Variants in MAN1A1 observed in about 807,000 individuals in gnomAD.
MAN1A1 encodes the protein mannosidase alpha class 1A member 1, also known as mannosyl-oligosaccharide 1,2-alpha-mannosidase IA.
A neutral mutation model predicts 70.8 loss-of-function variants in MAN1A1; 29 were observed. The observed-to-expected ratio is 0.41, with a 90% CI of 0.31 to 0.56. The LOEUF (loss-of-function observed/expected upper bound fraction) is 0.56, where lower values mean the gene tolerates loss of function less well. Ranked by LOEUF, MAN1A1 falls within the 20% of genes least tolerant of loss-of-function variation. MAN1A1 has a pLI of 0.29. For synonymous variants in MAN1A1, 349 were observed against 330.1 expected (o/e 1.06, Z -0.62); for missense variants, 747 against 841.3 (o/e 0.89, Z 1.39).
At chr6:119,294,458 T>C (rs1432402703) in intron 4 of MAN1A1, among the ~76,000 whole-genome samples, 1 of 152,096 alleles carries the variant, frequency 6.6e-6, no homozygotes, top group African/African-American at 2.4e-5. Context: ...TTAATGTGAA[T>C]TTTGCAGTCT....
intron 2 of MAN1A1, among the ~76,000 whole-genome samples, chr6:119,337,368 A>G (rs1450773043): frequency 6.6e-6 from 1 of 152,208 alleles, no homozygotes; most frequent in African/African-American, 2.4e-5. Flanking sequence ...CAGATTACTT[A>G]GCGCGAAATC....
chr6:119,290,405 C>T (rs924149844), intron 5 of MAN1A1, among the ~76,000 whole-genome samples: 7 of 151,992 alleles, frequency 4.6e-5, no homozygotes, highest in Non-Finnish European at 5.9e-5. Context: ...TCCATAGGCA[C>T]ATATAATTTG....
At chr6:119,329,345 G>T (rs557297065) in intron 2 of MAN1A1, among the ~76,000 whole-genome samples, 1 of 152,174 alleles carries the variant, frequency 6.6e-6, no homozygotes, top group Non-Finnish European at 1.5e-5. Flanking sequence ...GTAGCCCAGA[G>T]TAAGAAATGA....
chr6:119,243,403 C>T (rs982967237), intron 6 of MAN1A1, among the ~76,000 whole-genome samples: 1 of 152,142 alleles, frequency 6.6e-6, no homozygotes, highest in Non-Finnish European at 1.5e-5. Context: ...GAAATTTATG[C>T]TTTAACTGTC....
chr6:119,180,862 T>C (rs912322669), intron 11 of MAN1A1, among the ~76,000 whole-genome samples: 2 of 151,904 alleles, frequency 1.3e-5, no homozygotes, highest in Admixed American at 1.3e-4. Context: ...AAGTTTGTTA[T>C]AGAGTTTTAG....
chr6:119,229,596 T>C (rs1053746073), intron 6 of MAN1A1, among the ~76,000 whole-genome samples: 1 of 152,184 alleles, frequency 6.6e-6, no homozygotes, highest in Non-Finnish European at 1.5e-5. Flanking sequence ...TGACTGAAAA[T>C]CAATGGCATC....
At chr6:119,221,723 G>C (rs927166092) in intron 6 of MAN1A1, among the ~76,000 whole-genome samples, 4 of 151,950 alleles carry the variant, frequency 2.6e-5, no homozygotes, top group African/African-American at 9.7e-5. Flanking sequence ...AAAGTGTTGG[G>C]ATTATAGGTG....
intron 5 of MAN1A1, among the ~76,000 whole-genome samples, chr6:119,270,214 G>A (rs560734426): frequency 1.3e-4 from 20 of 152,176 alleles, no homozygotes; most frequent in African/African-American, 2.4e-4. Flanking sequence ...ATTCAAGCCC[G>A]CACTCTGTGT....
chr6:119,224,083 A>T (rs1348298327), intron 6 of MAN1A1, among the ~76,000 whole-genome samples: 2 of 152,204 alleles, frequency 1.3e-5, no homozygotes, highest in Non-Finnish European at 2.9e-5. Context: ...GGAATCCTGG[A>T]AACAAGTAAG....
At position 119,349,217 on chromosome 6, in the gene MAN1A1, G is replaced by C; in HGVS notation, c.-152C>G. 8.2e-7 allele frequency: 1 copy of C among 1,214,566 alleles called. No homozygotes were observed. The highest frequency in any genetic ancestry group is 1.0e-6 in the Non-Finnish European group (1 of 977,440). The allele number at this position is 1,214,566 out of a possible 1,614,324, so 75.2% of individuals were successfully genotyped here. ...GGATCCTCCCTGGGGGAACAACTCC[G>C]CGCCGGGTCTTCTCCCCGGGGCGGC... On this transcript the variant is annotated 5_prime_UTR_variant, in exon 2 of 13. Transcript: ENST00000368468.
intron 2 of MAN1A1, among the ~76,000 whole-genome samples, chr6:119,330,040 C>CT: frequency 6.6e-6 from 1 of 152,166 alleles, no homozygotes. Flanking sequence ...CTGATTGCTC[C>CT]TTCTCTGTCA....
At chr6:119,217,420 T>G (rs1234561477) in intron 6 of MAN1A1, among the ~76,000 whole-genome samples, 2 of 152,170 alleles carry the variant, frequency 1.3e-5, no homozygotes, top group African/African-American at 4.8e-5. Flanking sequence ...TAGCTGAGAC[T>G]ACAGGCATGC....
At chr6:119,190,211 G>A (rs886311746) in intron 9 of MAN1A1, among the ~76,000 whole-genome samples, 2 of 152,172 alleles carry the variant, frequency 1.3e-5, no homozygotes, top group African/African-American at 4.8e-5. Context: ...AGTTGGTTTG[G>A]TACATTTTCA....
chr6:119,249,603 A>C (rs1324555), intron 5 of MAN1A1, among the ~76,000 whole-genome samples: 112,451 of 151,788 alleles, frequency 0.74, 42,109 homozygotes, highest in Non-Finnish European at 0.81. Flanking sequence ...GTTCTCTGTC[A>C]GCCACTGGGG....
chr6:119,198,898 T>G (rs1056718457), intron 8 of MAN1A1, among the ~76,000 whole-genome samples: 1 of 152,250 alleles, frequency 6.6e-6, no homozygotes, highest in Non-Finnish European at 1.5e-5. Flanking sequence ...ACAACAATAG[T>G]CAACAAGTGG....
intron 6 of MAN1A1, among the ~76,000 whole-genome samples, chr6:119,213,056 G>A (rs989215504): frequency 1.3e-5 from 2 of 152,106 alleles, no homozygotes; most frequent in Non-Finnish European, 2.9e-5. Flanking sequence ...TCAATAATTA[G>A]GGTGTAATTT....
chr6:119,261,696 T>C (rs999567830), intron 5 of MAN1A1, among the ~76,000 whole-genome samples: 3 of 152,162 alleles, frequency 2.0e-5, no homozygotes, highest in Non-Finnish European at 4.4e-5. Context: ...AGCACAAAAC[T>C]GTAAAGAAAG....
intron 5 of MAN1A1, among the ~76,000 whole-genome samples, chr6:119,259,069 C>T (rs1176671450): frequency 6.6e-6 from 1 of 152,192 alleles, no homozygotes; most frequent in Non-Finnish European, 1.5e-5. Flanking sequence ...TAGAAGGATA[C>T]TAGGCCTTTT....
intron 2 of MAN1A1, among the ~76,000 whole-genome samples, chr6:119,342,494 T>C (rs565148399): frequency 6.6e-6 from 1 of 152,194 alleles, no homozygotes; most frequent in Non-Finnish European, 1.5e-5. Context: ...ACTATTAACC[T>C]CATTTTACAA....
Sources: allele counts gnomAD v4.1 joint callset (sites outside exome capture counted in the v4.1 genomes callset), GRCh38; gene constraint gnomAD v4.1.1; transcripts MANE v1.5; gene names NCBI Gene and HGNC (gene_info 2026-07-23, HGNC 2026-07-21).